The following DSTYK variants were observed in gnomAD, a reference collection of about 807,000 sequenced individuals.
DSTYK encodes the protein dual serine/threonine and tyrosine protein kinase.
DSTYK carries 34 observed loss-of-function variants against 98.7 expected under a neutral mutation model. The ratio of observed to expected loss-of-function variants is 0.34; its 90% CI spans 0.26 to 0.46. The LOEUF (loss-of-function observed/expected upper bound fraction) is 0.46. DSTYK is among the 20% of genes least tolerant of loss of function. The probability of loss-of-function intolerance (pLI) is 1.00; values close to 1 mark genes in which losing one functional copy is unlikely to be tolerated. For synonymous variants in DSTYK, 462 were observed against 457.3 expected, an observed-to-expected ratio of 1.01 and a Z score of -0.13; for missense variants, 962 against 1,181.7, an observed-to-expected ratio of 0.81 and a Z score of 2.73.
intron 2 of DSTYK, among the ~76,000 whole-genome samples, chr1:205,175,014 G>T (rs1658186789): frequency 6.6e-6 from 1 of 151,974 alleles, no homozygotes; most frequent in Admixed American, 6.6e-5. Flanking sequence ...GGGGATTACA[G>T]GCACCAGCCA....
intron 1 of DSTYK, among the ~76,000 whole-genome samples, chr1:205,206,991 A>G (rs1659221398): frequency 6.6e-6 from 1 of 152,064 alleles, no homozygotes; most frequent in South Asian, 2.1e-4. Flanking sequence ...GTCCAAGATC[A>G]TTTGGTTAGT....
intron 1 of DSTYK, among the ~76,000 whole-genome samples, chr1:205,205,974 C>T (rs1041444287): frequency 6.6e-6 from 1 of 152,182 alleles, no homozygotes; most frequent in South Asian, 2.1e-4. Flanking sequence ...GTGTTGCACA[C>T]GTATATGGTT....
chr1:205,148,412 A>G (rs1179775881), intron 11 of DSTYK, 73 bp from the exon 12 acceptor site: 1 of 1,584,784 alleles, frequency 6.3e-7, no homozygotes, highest in Non-Finnish European at 8.6e-7. Context: ...ACCTTGCCTC[A>G]GTAGAGGGTT....
rs1265500577 is a variant in DSTYK at position 205,211,258 on chromosome 1, C to A, written c.265+13G>T. On this transcript the variant is annotated intron_variant, in intron 1 of 12. Coordinates refer to ENST00000367162, the MANE Select transcript of DSTYK (RefSeq NM_015375.3). ...CTCTCCTGCCCTCTCTCCCTCCGGG[C>A]TGCCCTCCTTACCCGCCTGCAGCCC... The A allele has an allele frequency of 1.4e-5, 23 of 1,594,674 alleles. No homozygotes were observed. Among genetic ancestry groups the A allele is most frequent in the Non-Finnish European group, 1.9e-5 (22 of 1,172,282 alleles).
intron 1 of DSTYK, among the ~76,000 whole-genome samples, chr1:205,191,488 C>T (rs1658712548): frequency 6.6e-6 from 1 of 152,228 alleles, no homozygotes; most frequent in East Asian, 1.9e-4. Context: ...AAATGCTCGT[C>T]GGTAAATGGA....
chr1:205,163,428 A>G (rs1397795064), intron 4 of DSTYK, among the ~76,000 whole-genome samples: 1 of 152,094 alleles, frequency 6.6e-6, no homozygotes, highest in Non-Finnish European at 1.5e-5. Flanking sequence ...CATGTTGGTC[A>G]GGCTGGTCTC....
chr1:205,182,716 G>C lies in DSTYK; in HGVS notation c.654+4702C>G, dbSNP rs1013238342. Among the ~76,000 whole-genome samples the C allele has an allele frequency of 2.0e-5, 3 of 151,552 alleles. No homozygotes were observed. The East Asian group carries it at 5.8e-4, about 29-fold the overall frequency. On this transcript the variant is annotated intron_variant, in intron 2 of 12. Transcript: ENST00000367162. ...AGATACTCGGGAGGCTGAGGCAGGA[G>C]AATCGCTTGAACCTGGGAGGCAGAG... is the stretch of plus-strand genomic sequence containing the variant.
chr1:205,201,405 C>CAAAA (rs67120994), intron 1 of DSTYK, among the ~76,000 whole-genome samples: 25 of 95,446 alleles, frequency 2.6e-4, no homozygotes, highest in South Asian at 3.9e-4. Flanking sequence ...TTTTTTAATG[C>CAAAA]AAAAAAAAAA....
chr1:205,202,094 G>A, intron 1 of DSTYK: 2 of 409,146 alleles, frequency 4.9e-6, no homozygotes, highest in South Asian at 1.8e-5. Context: ...GGGAGAAGGG[G>A]AAGGGAGAGG....
chr1:205,159,537 C>T lies in DSTYK; in HGVS notation c.2238+10G>A, dbSNP rs770083076. On this transcript the variant is annotated intron_variant, in intron 9 of 12. Transcript: ENST00000367162. The stretch of plus-strand genomic sequence containing the variant: ...ATTTGGCTGCCAGCTGGATCTTGCT[C>T]TCTCCTTACCTTCAGCCCTGTGTAG... 3.1e-6 allele frequency: 5 copies of T among 1,605,866 alleles called. No individual in the cohort carries two copies.
intron 1 of DSTYK, among the ~76,000 whole-genome samples, chr1:205,201,394 T>A (rs1343629620): frequency 7.0e-6 from 1 of 143,058 alleles, no homozygotes; most frequent in Admixed American, 7.4e-5. Context: ...AAAAACAAAA[T>A]TTTTTTAATG....
chr1:205,161,950 T>C, intron 6 of DSTYK, 86 bp downstream of exon 6: 3 of 1,318,128 alleles, frequency 2.3e-6, no homozygotes, highest in African/African-American at 1.5e-5. Context: ...ACATATTATA[T>C]ATGAAGAGCG....
chr1:205,202,103 G>GGGGGAAGGGAGAA (rs1437757456), intron 1 of DSTYK: 1 of 419,786 alleles, frequency 2.4e-6, no homozygotes, highest in African/African-American at 2.1e-5. Flanking sequence ...GGAAGGGAGA[G>GGGGGAAGGGAGAA]GGGGAAGGGA....
chr1:205,198,292 G>T (rs190988921), intron 1 of DSTYK, among the ~76,000 whole-genome samples: 1 of 152,216 alleles, frequency 6.6e-6, no homozygotes, highest in East Asian at 1.9e-4. Context: ...TAGTGGTAGA[G>T]ACTATATTGC....
rs758360038 is a variant in DSTYK at position 205,181,653 on chromosome 1, G to GGGGTGTGTGTGTGTGT, written c.654+5764_654+5765insACACACACACACACCC. Among the ~76,000 whole-genome samples the GGGGTGTGTGTGTGTGT allele has an allele frequency of 2.3e-4, 19 of 84,050 alleles. No homozygotes were observed. The East Asian group carries it at 3.3e-3, about 15-fold the overall frequency. The allele number at this position is 84,050 out of a possible 152,430, so 55.1% of individuals were successfully genotyped here. ...CACAGATGTGAGCCACAGATGTTGGGGTTTGTGTGTGTGTGTGTGTGTGTG... is the reference window on the plus strand; with the variant it reads ...CACAGATGTGAGCCACAGATGTTGGGGGGTGTGTGTGTGTGTGTTTGTGTGTGTGTGTGTGTGTGTG... On this transcript the variant is annotated intron_variant, in intron 2 of 12. Transcript: ENST00000367162.
intron 1 of DSTYK, among the ~76,000 whole-genome samples, chr1:205,188,496 G>GT (rs1658620201): frequency 6.6e-6 from 1 of 152,148 alleles, no homozygotes; most frequent in Non-Finnish European, 1.5e-5. Context: ...TAACACAGTG[G>GT]TAAGTATTTG....
chr1:205,187,982 C>G (rs1229795798), intron 1 of DSTYK, among the ~76,000 whole-genome samples, 176 bp from the exon 2 acceptor site: 1 of 152,032 alleles, frequency 6.6e-6, no homozygotes, highest in Non-Finnish European at 1.5e-5. Flanking sequence ...TGAGAAAAAG[C>G]TCTTCACATA....
At chr1:205,204,484 CCACT>C (rs1417526648) in intron 1 of DSTYK, among the ~76,000 whole-genome samples, 2 of 106,916 alleles carry the variant, frequency 1.9e-5, no homozygotes, top group African/African-American at 5.4e-5. Flanking sequence ...ACACACACAA[CCACT>C]CAAACAGCCA....
chr1:205,156,039 G>A (rs1412806557), intron 10 of DSTYK, among the ~76,000 whole-genome samples: 1 of 152,260 alleles, frequency 6.6e-6, no homozygotes, highest in East Asian at 1.9e-4. Context: ...TGTTGGGCCT[G>A]CAGGTGCATA....
Sources: gnomAD v4.1 joint callset for allele counts (sites outside exome capture counted in the v4.1 genomes callset) on GRCh38, gnomAD v4.1.1 for gene constraint, MANE v1.5 for transcripts, NCBI Gene and HGNC (gene_info 2026-07-23, HGNC 2026-07-21) for gene names.